Variants in VPS35L observed in about 807,000 individuals in gnomAD.
VPS35L encodes VPS35 endosomal protein-sorting factor-like.
Under a neutral mutation model 133.0 loss-of-function variants are expected in VPS35L, and 83 were observed. The observed-to-expected ratio is 0.62, with a 90% CI of 0.52 to 0.75. The LOEUF (loss-of-function observed/expected upper bound fraction) is 0.75, where lower values mean the gene tolerates loss of function less well. VPS35L is among the 30% of genes least tolerant of loss of function. VPS35L has a pLI of 0.00. For missense variants in VPS35L, 1,083 were observed against 1,206.8 expected, an observed-to-expected ratio of 0.90 and a Z score of 1.52; for synonymous variants, 423 against 449.9, an observed-to-expected ratio of 0.94 and a Z score of 0.76.
intron 5 of VPS35L, among the ~76,000 whole-genome samples, chr16:19,576,058 CAGGAGGCTGAGGCAGGAG>C (rs1013751285): frequency 7.9e-6 from 1 of 125,824 alleles, no homozygotes; most frequent in African/African-American, 3.0e-5. Flanking sequence ...CCCAGCTACT[CAGGAGGCTGAGGCAGGAG>C]AATCGCTTGA....
intron 2 of VPS35L, 95 bp downstream of exon 2, chr16:19,565,045 A>C: frequency 7.5e-6 from 7 of 934,338 alleles, no homozygotes; most frequent in Admixed American, 2.7e-5. Context: ...AGTGGTAGCC[A>C]CTTTTGCATA....
chr16:19,663,453 C>CT (rs908754220), intron 26 of VPS35L, among the ~76,000 whole-genome samples: 4 of 151,984 alleles, frequency 2.6e-5, no homozygotes, highest in South Asian at 2.1e-4. Context: ...AGTTTATATA[C>CT]TTTTTTTCCT....
chr16:19,595,315 G>T (rs868312160), intron 8 of VPS35L, among the ~76,000 whole-genome samples: 1 of 152,124 alleles, frequency 6.6e-6, no homozygotes, highest in Non-Finnish European at 1.5e-5. Flanking sequence ...GCTTGGCCCC[G>T]GGAGGCGGTG....
At chr16:19,558,224 C>G (rs1405255031) in intron 1 of VPS35L, among the ~76,000 whole-genome samples, 1 of 152,180 alleles carries the variant, frequency 6.6e-6, no homozygotes, top group African/African-American at 2.4e-5. Context: ...TTACATTTAT[C>G]AAGTCCTTAT....
chr16:19,577,165 C>G lies in VPS35L; in HGVS notation c.434-1887C>G, dbSNP rs999935387. ...CTAATTTATAAGGAAGAGAGGTTTA[C>G]TTGACTTATGGTTCCACAGGCTATA... On this transcript the variant is annotated intron_variant, in intron 5 of 30. Coordinates refer to ENST00000417362, the MANE Select transcript of VPS35L (RefSeq NM_020314.7). Among the ~76,000 whole-genome samples, 15 of 152,292 alleles carry G rather than the reference C, an allele frequency of 9.8e-5. No individual in the cohort carries two copies. In the East Asian group the frequency reaches 2.7e-3, roughly 27 times the overall value.
intron 3 of VPS35L, 129 bp from the exon 4 acceptor site, chr16:19,572,990 T>C: frequency 9.0e-7 from 1 of 1,106,700 alleles, no homozygotes; most frequent in South Asian, 1.9e-5. Context: ...ATTTTTTTTA[T>C]GATAGTAAAC....
chr16:19,647,915 A>G, intron 24 of VPS35L, 33 bp downstream of exon 24: 1 of 1,515,758 alleles, frequency 6.6e-7, no homozygotes, highest in Non-Finnish European at 9.2e-7. Flanking sequence ...TTCTTCTCTC[A>G]GTAAATATTT....
At chr16:19,632,832 A>C (rs1365897163) in intron 18 of VPS35L, among the ~76,000 whole-genome samples, 1 of 152,210 alleles carries the variant, frequency 6.6e-6, no homozygotes, top group Non-Finnish European at 1.5e-5. Context: ...TTCAACCATC[A>C]CTCTGGGAAA....
chr16:19,585,410 T>C (rs226854), intron 7 of VPS35L, among the ~76,000 whole-genome samples: 7,768 of 133,170 alleles, frequency 0.058, 403 homozygotes, highest in African/African-American at 0.15. Flanking sequence ...TTTTTTCTTT[T>C]TTTTTTTTTT....
chr16:19,590,093 C>T (rs1188300867), intron 7 of VPS35L, among the ~76,000 whole-genome samples: 3 of 149,264 alleles, frequency 2.0e-5, no homozygotes, highest in Non-Finnish European at 4.4e-5. Context: ...CCAGTTGCCA[C>T]GTTTGGTGTC....
intron 12 of VPS35L, among the ~76,000 whole-genome samples, chr16:19,615,511 G>A (rs530172444): frequency 6.6e-6 from 1 of 152,016 alleles, no homozygotes; most frequent in Non-Finnish European, 1.5e-5. Context: ...TTAGCCAAGT[G>A]TCGTGACACA....
chr16:19,682,527 A>G (rs1975321554), intron 28 of VPS35L, 137 bp downstream of exon 28: 1 of 1,001,462 alleles, frequency 1.0e-6, no homozygotes, highest in African/African-American at 1.6e-5. Flanking sequence ...GTCTCACTGT[A>G]TTTACCTGAT....
At chr16:19,674,736 G>A (rs1352619146) in intron 27 of VPS35L, among the ~76,000 whole-genome samples, 1 of 151,698 alleles carries the variant, frequency 6.6e-6, no homozygotes, top group Non-Finnish European at 1.5e-5. Context: ...CCCACCCCCT[G>A]CAACCACCAT....
intron 10 of VPS35L, 45 bp from the exon 11 acceptor site, chr16:19,608,929 G>A: frequency 6.4e-7 from 1 of 1,574,062 alleles, no homozygotes; most frequent in Non-Finnish European, 8.7e-7. Flanking sequence ...TCCATAGGGA[G>A]TAGACCTTCT....
In VPS35L at chr16:19,677,069, C is replaced by CT. The variant is rs5816063; in HGVS notation, c.2362-5142dup. 5.9e-3 allele frequency among the ~76,000 whole-genome samples: 837 copies of CT among 142,218 alleles called. 4 individuals are homozygous for CT. Among genetic ancestry groups the CT allele is most frequent in the Non-Finnish European group, 8.7e-3 (565 of 65,026 alleles). The allele number at this position is 142,218 out of a possible 152,430, so 93.3% of individuals were successfully genotyped here. ...TCAAAAGAAAAAGTTTTCTTTTTTT[C>CT]TTTTTTTTTTTTTTGAGATGGAGTC... On this transcript the variant is annotated intron_variant, in intron 27 of 30. Coordinates refer to ENST00000417362, the MANE Select transcript of VPS35L (RefSeq NM_020314.7).
At chr16:19,585,464 G>A (rs1222061957) in intron 7 of VPS35L, among the ~76,000 whole-genome samples, 2 of 147,762 alleles carry the variant, frequency 1.4e-5, no homozygotes, top group South Asian at 2.1e-4. Context: ...GTGCAGTGGT[G>A]TAATCATAGC....
chr16:19,589,607 G>A (rs1007115421), intron 7 of VPS35L, among the ~76,000 whole-genome samples: 6 of 152,088 alleles, frequency 3.9e-5, no homozygotes, highest in Non-Finnish European at 5.9e-5. Flanking sequence ...TTTAGGAAGC[G>A]GCACCAAAGC....
chr16:19,604,928 C>T (rs964664079), intron 9 of VPS35L, among the ~76,000 whole-genome samples: 2 of 152,182 alleles, frequency 1.3e-5, no homozygotes, highest in African/African-American at 2.4e-5. Context: ...AAGAGACCAT[C>T]GACTCTGAGA....
chr16:19,632,944 C>T, intron 18 of VPS35L, 148 bp from the exon 19 acceptor site: 1 of 668,242 alleles, frequency 1.5e-6, no homozygotes, highest in Admixed American at 2.4e-5. Context: ...GAGATTTCCT[C>T]CCTTCCGTTA....
Sources: allele counts gnomAD v4.1 joint callset (sites outside exome capture counted in the v4.1 genomes callset), GRCh38; gene constraint gnomAD v4.1.1; transcripts MANE v1.5; gene names NCBI Gene and HGNC (gene_info 2026-07-23, HGNC 2026-07-21).